The following CALN1 variants were observed in gnomAD, a reference collection of about 807,000 sequenced individuals.
CALN1 encodes calneuron 1, also known as calcium-binding protein 8.
A neutral mutation model predicts 30.6 loss-of-function variants in CALN1; 17 were observed. That is an observed-to-expected ratio of 0.56 (90% CI 0.38 to 0.83). The LOEUF (loss-of-function observed/expected upper bound fraction) is 0.83, where lower values mean the gene tolerates loss of function less well. CALN1 is among the 40% of genes least tolerant of loss of function. The pLI is 0.00. For missense variants in CALN1, 291 were observed against 354.9 expected (o/e 0.82, Z 1.45); for synonymous variants, 156 against 131.4 (o/e 1.19, Z -1.28).
intron 2 of CALN1, among the ~76,000 whole-genome samples, chr7:72,372,609 G>A (rs938913845): frequency 6.6e-6 from 1 of 152,156 alleles, no homozygotes; most frequent in Admixed American, 6.6e-5. Context: ...CAATGGAGTA[G>A]ACAATAGCTT....
Position 72,406,621 on chromosome 7 carries a change from T to TTTTC in CALN1, c.-73-3180_-73-3179insGAAA, listed in dbSNP as rs1344632442. Among the ~76,000 whole-genome samples, 8 of 52,890 alleles carry TTTTC rather than the reference T, an allele frequency of 1.5e-4. No homozygotes were observed. In the East Asian group the frequency reaches 0.012, roughly 77 times the overall value. 34.7% of individuals were successfully genotyped at this position (52,890 alleles called of 152,430 possible). A position where few individuals can be genotyped will look rare whatever the true frequency, so the allele number is the denominator to read the frequency against. On this transcript the variant is annotated intron_variant, in intron 1 of 6. Coordinates refer to ENST00000395275, the MANE Select transcript of CALN1 (RefSeq NM_031468.4). ...ACATGAGGGTCCTTGTCAGCTTTTT[T>TTTTC]TTTTTTCTTTTTTAAGACGGAGTCT...
At chr7:72,333,552 T>TTA (rs1426269346) in intron 2 of CALN1, among the ~76,000 whole-genome samples, 9 of 152,276 alleles carry the variant, frequency 5.9e-5, no homozygotes, top group Admixed American at 5.2e-4. Flanking sequence ...TCACACTGTT[T>TTA]TAACGAGCAT....
chr7:72,389,345 C>CT (rs761889672), intron 2 of CALN1, among the ~76,000 whole-genome samples: 3 of 152,170 alleles, frequency 2.0e-5, no homozygotes, highest in Non-Finnish European at 4.4e-5. Context: ...TCATAGCCTC[C>CT]TTCTTTCTGG....
At chr7:72,288,767 G>C (rs1254012980) in intron 2 of CALN1, among the ~76,000 whole-genome samples, 1 of 152,096 alleles carries the variant, frequency 6.6e-6, no homozygotes, top group Non-Finnish European at 1.5e-5. Flanking sequence ...GATTGTTTAT[G>C]ATTTTTGCAC....
At chr7:72,383,094 G>C (rs1805008419) in intron 2 of CALN1, among the ~76,000 whole-genome samples, 2 of 152,074 alleles carry the variant, frequency 1.3e-5, no homozygotes, top group South Asian at 2.1e-4. Flanking sequence ...CCAGGATTTT[G>C]TTCTTTTTTA....
upstream of CALN1, among the ~76,000 whole-genome samples, chr7:72,415,687 A>G (rs1807398925): frequency 6.6e-6 from 1 of 152,226 alleles, no homozygotes. Context: ...CCAACTCACA[A>G]TCTCAGTTTC....
In CALN1 at chr7:72,412,214, A is replaced by G. The variant is rs1439131751; in HGVS notation, c.-230T>C. 1 of 152,384 alleles carries G rather than the reference A, an allele frequency of 6.6e-6. No individual in the cohort carries two copies. The highest frequency in any genetic ancestry group is 1.5e-5 in the Non-Finnish European group (1 of 68,088). The allele number at this position is 152,384 out of a possible 1,614,324, so 9.4% of individuals were successfully genotyped here. A position where few individuals can be genotyped will look rare whatever the true frequency, so the allele number is the denominator to read the frequency against. The stretch of plus-strand genomic sequence containing the variant: ...GCTTGCGGTCTTGCTGACTTCAAGA[A>G]CGAAGACGCAGACCGCGGCCGTGAG... On this transcript the variant is annotated 5_prime_UTR_variant, in exon 1 of 7. Coordinates refer to ENST00000395275, the MANE Select transcript of CALN1 (RefSeq NM_031468.4).
rs564140395 is a variant in CALN1, at chr7:72,336,729, C to G, written c.120-57919G>C. On this transcript the variant is annotated intron_variant, in intron 2 of 6. Transcript: ENST00000395275. The stretch of plus-strand genomic sequence containing the variant: ...CTCTTGCTGGGCCGGGGCTCCGCAG[C>G]CCGGCAGCCGAGGCGCCTCCGCACA... 5 of 985,336 alleles carry G rather than the reference C, an allele frequency of 5.1e-6. No individual in the cohort carries two copies. The East Asian group carries it at 5.7e-4, about 113-fold the overall frequency. The allele number at this position is 985,336 out of a possible 1,614,324, so 61.0% of individuals were successfully genotyped here.
rs566727113 is a variant in CALN1, at chr7:72,137,350, G to A, written c.245-31056C>T. 9.2e-5 allele frequency among the ~76,000 whole-genome samples: 14 copies of A among 152,244 alleles called. No individual in the cohort carries two copies. The East Asian group carries it at 1.2e-3, about 13-fold the overall frequency. The stretch of plus-strand genomic sequence containing the variant: ...ACGGTGGTGTTTTGTTCAAGATGGC[G>A]ATGCTCCTGCTCTGTCACACAGATC... On this transcript the variant is annotated intron_variant, in intron 3 of 6. Coordinates refer to ENST00000395275, the MANE Select transcript of CALN1 (RefSeq NM_031468.4).
At chr7:72,416,462 C>T (rs1325472905), upstream of CALN1, among the ~76,000 whole-genome samples, 2 of 152,150 alleles carry the variant, frequency 1.3e-5, no homozygotes, top group Admixed American at 6.5e-5. Flanking sequence ...CGGCTGGGCA[C>T]GGTGGCTCAC....
intron 4 of CALN1, among the ~76,000 whole-genome samples, chr7:72,041,387 ATTTT>A (rs927658856): frequency 2.0e-5 from 3 of 149,200 alleles, no homozygotes; most frequent in African/African-American, 7.7e-5. Context: ...AATTTTTTTT[ATTTT>A]TTTTATTTTT....
At chr7:72,190,334 G>A (rs1790514634) in intron 3 of CALN1, among the ~76,000 whole-genome samples, 1 of 152,202 alleles carries the variant, frequency 6.6e-6, no homozygotes, top group Non-Finnish European at 1.5e-5. Flanking sequence ...CTGGGTGACA[G>A]AGCAAGACTC....
intron 3 of CALN1, among the ~76,000 whole-genome samples, chr7:72,130,132 C>T (rs1809036814): frequency 6.6e-6 from 1 of 152,232 alleles, no homozygotes; most frequent in African/African-American, 2.4e-5. Context: ...CCTTCTGCTT[C>T]TTGCCCTGAT....
intron 5 of CALN1, among the ~76,000 whole-genome samples, chr7:71,994,209 T>C (rs1799119771): frequency 6.6e-6 from 1 of 152,156 alleles, no homozygotes; most frequent in Admixed American, 6.5e-5. Context: ...AAATAAAAAC[T>C]GTTTACAGAT....
chr7:71,942,060 G>T (rs555315519), intron 5 of CALN1, among the ~76,000 whole-genome samples: 49 of 152,200 alleles, frequency 3.2e-4, no homozygotes, highest in African/African-American at 1.1e-3. Context: ...GTAGCCGGGC[G>T]TGGTGGTGCA....
chr7:72,206,063 T>A (rs1014011086), intron 3 of CALN1, among the ~76,000 whole-genome samples: 1 of 152,208 alleles, frequency 6.6e-6, no homozygotes, highest in Non-Finnish European at 1.5e-5. Context: ...GTTTTTAAAG[T>A]GAATCCTCAA....
intron 2 of CALN1, among the ~76,000 whole-genome samples, chr7:72,377,510 A>AT (rs1259230030): frequency 6.0e-5 from 9 of 150,530 alleles, no homozygotes; most frequent in African/African-American, 1.7e-4. Context: ...AATGCTGAAC[A>AT]TTTTTTTGAC....
intron 2 of CALN1, among the ~76,000 whole-genome samples, chr7:72,377,658 G>A (rs955789287): frequency 2.6e-5 from 4 of 152,034 alleles, no homozygotes; most frequent in African/African-American, 9.7e-5. Flanking sequence ...TGTCGTATGT[G>A]GGCATTGACA....
intron 5 of CALN1, among the ~76,000 whole-genome samples, chr7:71,889,143 T>C (rs1793091127): frequency 6.6e-6 from 1 of 152,124 alleles, no homozygotes; most frequent in Non-Finnish European, 1.5e-5. Flanking sequence ...CAACAAAATA[T>C]CATAAACTGG....
Sources: gnomAD v4.1 joint callset for allele counts (sites outside exome capture counted in the v4.1 genomes callset) on GRCh38, gnomAD v4.1.1 for gene constraint, MANE v1.5 for transcripts, NCBI Gene and HGNC (gene_info 2026-07-23, HGNC 2026-07-21) for gene names.